Variants in FAM227A observed in about 807,000 individuals in gnomAD.
FAM227A encodes the protein family with sequence similarity 227 member A.
FAM227A carries 80 observed loss-of-function variants against 74.7 expected under a neutral mutation model. The ratio of observed to expected loss-of-function variants is 1.07; its 90% confidence interval spans 0.89 to 1.29. The LOEUF (loss-of-function observed/expected upper bound fraction) is 1.29, where lower values mean the gene tolerates loss of function less well. Ranked by LOEUF, FAM227A falls within the 50% of genes most tolerant of loss-of-function variation. The pLI is 0.00. For missense variants in FAM227A, 654 were observed against 683.4 expected, an observed-to-expected ratio of 0.96 and a Z score of 0.48; for synonymous variants, 237 against 241.8, an observed-to-expected ratio of 0.98 and a Z score of 0.19.
intron 11 of FAM227A, among the ~76,000 whole-genome samples, chr22:38,614,603 T>C (rs1043349901): frequency 1.3e-5 from 2 of 152,152 alleles, no homozygotes; most frequent in Non-Finnish European, 2.9e-5. Context: ...CTGCTCTTGA[T>C]GAGAGAGGCT....
In FAM227A at chr22:38,583,474, CAAG is replaced by C. The variant is rs1023120248; in HGVS notation, c.*2648_*2650del. 8 of 157,386 alleles carry C rather than the reference CAAG, an allele frequency of 5.1e-5. No homozygotes were observed. The highest frequency in any genetic ancestry group is 1.9e-4 in the African/African-American group (8 of 41,406). The allele number at this position is 157,386 out of a possible 1,614,324, so 9.7% of individuals were successfully genotyped here. On this transcript the variant is annotated 3_prime_UTR_variant, in exon 17 of 17. Transcript: ENST00000535113. ...ACAGGCATGAGCCACTGCACCCGGC[CAAG>C]AAGAGTACACTTTATAACAGCAATA...
intron 6 of FAM227A, 95 bp downstream of exon 6, chr22:38,636,356 G>A (rs932732928): frequency 1.5e-6 from 2 of 1,361,108 alleles, no homozygotes; most frequent in South Asian, 1.5e-5. Flanking sequence ...GTGGCCCTAG[G>A]TGAGTTCCTC....
Position 38,583,127 on chromosome 22 carries a change from T to C in FAM227A, c.*2998A>G. On this transcript the variant is annotated 3_prime_UTR_variant, in exon 17 of 17. Transcript: ENST00000535113. ...TGCTTATCTGCCCCACATGGTGCCT[T>C]GTACTCGGCAGGTGCTCACACGTTC... 1 of 642,122 alleles carries C rather than the reference T, an allele frequency of 1.6e-6. No homozygotes were observed. Among genetic ancestry groups the C allele is most frequent in the Non-Finnish European group, 2.6e-6 (1 of 380,884 alleles). The allele number at this position is 642,122 out of a possible 1,614,324, so 39.8% of individuals were successfully genotyped here. A position where few individuals can be genotyped will look rare whatever the true frequency, so the allele number is the denominator to read the frequency against.
At chr22:38,596,568 G>A (rs1169300152) in intron 15 of FAM227A, among the ~76,000 whole-genome samples, 4 of 152,096 alleles carry the variant, frequency 2.6e-5, no homozygotes, top group Non-Finnish European at 4.4e-5. Context: ...TACATTTTGG[G>A]GACAATTGGG....
intron 4 of FAM227A, among the ~76,000 whole-genome samples, chr22:38,639,381 C>G (rs1042663598): frequency 6.6e-6 from 1 of 150,988 alleles, no homozygotes; most frequent in Admixed American, 6.6e-5. Flanking sequence ...TGCACTCCAG[C>G]CTGGGAGACA....
At chr22:38,640,935 G>A (rs1017079508) in intron 3 of FAM227A, among the ~76,000 whole-genome samples, 2 of 152,030 alleles carry the variant, frequency 1.3e-5, no homozygotes, top group African/African-American at 2.4e-5. Flanking sequence ...GTGGGGGGGC[G>A]GTCACAGGGG....
intron 8 of FAM227A, among the ~76,000 whole-genome samples, chr22:38,627,581 AAAT>A (rs2091835009): frequency 6.6e-6 from 1 of 151,696 alleles, no homozygotes; most frequent in Non-Finnish European, 1.5e-5. Flanking sequence ...ATAAATAATA[AAAT>A]GGAAAGGGAA....
At chr22:38,616,814 G>A (rs769432504) in intron 11 of FAM227A, among the ~76,000 whole-genome samples, 4 of 152,062 alleles carry the variant, frequency 2.6e-5, no homozygotes, top group Non-Finnish European at 4.4e-5. Flanking sequence ...GGAAAGAGGG[G>A]CGCTAAGGGC....
At chr22:38,616,963 GAA>G (rs2091590858) in intron 11 of FAM227A, among the ~76,000 whole-genome samples, 2 of 152,098 alleles carry the variant, frequency 1.3e-5, no homozygotes, top group East Asian at 3.9e-4. Flanking sequence ...TTGGTGGTGG[GAA>G]GGCACGGGCC....
intron 16 of FAM227A, among the ~76,000 whole-genome samples, chr22:38,588,082 T>C (rs1188382515): frequency 1.3e-5 from 2 of 152,156 alleles, no homozygotes; most frequent in Non-Finnish European, 2.9e-5. Context: ...ACATTTATGA[T>C]AAACCCACAG....
chr22:38,640,327 C>T (rs957993645), intron 3 of FAM227A, among the ~76,000 whole-genome samples: 1 of 152,148 alleles, frequency 6.6e-6, no homozygotes, highest in African/African-American at 2.4e-5. Context: ...GCCACCACGT[C>T]CAGCCTCTTC....
At chr22:38,588,235 A>G (rs1569184218) in intron 16 of FAM227A, among the ~76,000 whole-genome samples, 2 of 152,166 alleles carry the variant, frequency 1.3e-5, no homozygotes, top group Non-Finnish European at 1.5e-5. Flanking sequence ...AAGGCATCCA[A>G]ATTGGAAATG....
Position 38,623,194 on chromosome 22 carries a change from C to T in FAM227A, c.936G>A (p.Leu312=), listed in dbSNP as rs2091728061. The change falls in exon 10 of 17, where the codon TTG becomes TTA. Residue 312 remains leucine, a synonymous_variant. Coordinates refer to ENST00000535113, the MANE Select transcript of FAM227A (RefSeq NM_001013647.2). ...PERFRREELM[L]YRRRLTKGRE... Reference sequence around the variant, plus strand: ...TACCCTTTGTCAGTCTTCTTCTGTACAACATTAATTCTTCTCTGCGGAATC... The same window carrying T: ...TACCCTTTGTCAGTCTTCTTCTGTATAACATTAATTCTTCTCTGCGGAATC... 1.3e-6 allele frequency: 2 copies of T among 1,551,370 alleles called. No individual in the cohort carries two copies. Among genetic ancestry groups the T allele is most frequent in the South Asian group, 1.2e-5 (1 of 84,046 alleles).
At chr22:38,652,033 A>C (rs1426710440) in intron 1 of FAM227A, among the ~76,000 whole-genome samples, 1 of 151,752 alleles carries the variant, frequency 6.6e-6, no homozygotes, top group Non-Finnish European at 1.5e-5. Context: ...CTAAAATACA[A>C]AAATTAGCTG....
chr22:38,649,632 C>T (rs1365698537), intron 2 of FAM227A, among the ~76,000 whole-genome samples: 6 of 150,532 alleles, frequency 4.0e-5, no homozygotes, highest in African/African-American at 4.9e-5. Flanking sequence ...TTAGGGAGGC[C>T]GAGGCAGGTG....
intron 6 of FAM227A, among the ~76,000 whole-genome samples, chr22:38,632,557 G>A (rs2091934524): frequency 1.3e-5 from 2 of 152,224 alleles, no homozygotes; most frequent in South Asian, 4.1e-4. Context: ...TAAATTACCA[G>A]TCTCAGATAT....
intron 11 of FAM227A, among the ~76,000 whole-genome samples, chr22:38,614,826 C>T (rs1244487835): frequency 1.3e-5 from 2 of 152,124 alleles, no homozygotes; most frequent in African/African-American, 4.8e-5. Context: ...ACAGGCAGTA[C>T]CCAAACACTG....
At chr22:38,643,594 C>T (rs1052491519) in intron 3 of FAM227A, among the ~76,000 whole-genome samples, 6 of 152,026 alleles carry the variant, frequency 3.9e-5, no homozygotes, top group Non-Finnish European at 8.8e-5. Flanking sequence ...GAGCGTTTGC[C>T]GGTTTCTTAC....
chr22:38,638,933 C>T (rs2092057259), intron 4 of FAM227A, 111 bp from the exon 5 acceptor site: 1 of 650,904 alleles, frequency 1.5e-6, no homozygotes, highest in Non-Finnish European at 2.6e-6. Flanking sequence ...GAGGACACTC[C>T]TACTACTAGT....
Sources: gnomAD v4.1 joint callset for allele counts (sites outside exome capture counted in the v4.1 genomes callset) on GRCh38, gnomAD v4.1.1 for gene constraint, MANE v1.5 for transcripts, NCBI Gene and HGNC (gene_info 2026-07-23, HGNC 2026-07-21) for gene names.